The following PLXNA4 variants were observed in gnomAD, a reference collection of about 807,000 sequenced individuals.
PLXNA4 encodes plexin-A4.
In PLXNA4, 44 loss-of-function variants were observed where a neutral mutation model predicts 191.8. That is an observed-to-expected ratio of 0.23 (90% CI 0.18 to 0.29). PLXNA4 has a LOEUF of 0.29. Among genes scored for constraint, PLXNA4 ranks in the 10% least tolerant of loss-of-function variants. PLXNA4 has a pLI of 1.00. For missense variants in PLXNA4, 1,800 were observed against 2,488.8 expected, an observed-to-expected ratio of 0.72 and a Z score of 5.89; for synonymous variants, 1,082 against 1,009.5, an observed-to-expected ratio of 1.07 and a Z score of -1.36.
intron 3 of PLXNA4, chr7:132,485,081 T>A: frequency 3.1e-6 from 5 of 1,592,836 alleles, no homozygotes; most frequent in Non-Finnish European, 4.3e-6. Flanking sequence ...ATTAAATTAA[T>A]CTACATGACA....
intron 10 of PLXNA4, among the ~76,000 whole-genome samples, chr7:132,209,477 T>A: frequency 6.6e-6 from 1 of 152,194 alleles, no homozygotes; most frequent in African/African-American, 2.4e-5. Flanking sequence ...AGGTGTTTCA[T>A]ATCTCCTTTG....
At chr7:132,253,232 CTTTTTT>C (rs56010775) in intron 4 of PLXNA4, among the ~76,000 whole-genome samples, 5 of 134,472 alleles carry the variant, frequency 3.7e-5, no homozygotes, top group African/African-American at 5.4e-5. Context: ...TTTCTTTTTT[CTTTTTT>C]TTTTTTTTTT....
At chr7:132,557,696 G>A (rs1217490767) in intron 1 of PLXNA4, among the ~76,000 whole-genome samples, 1 of 152,134 alleles carries the variant, frequency 6.6e-6, no homozygotes, top group African/African-American at 2.4e-5. Flanking sequence ...TGGTACGTCT[G>A]TGGTCTAGAG....
At chr7:132,187,339 A>G in intron 15 of PLXNA4, 132 bp downstream of exon 15, 2 of 1,425,944 alleles carry the variant, frequency 1.4e-6, no homozygotes, top group South Asian at 1.4e-5. Flanking sequence ...CTATCTGTGC[A>G]GCTGGCAAGA....
At chr7:132,499,635 G>A (rs1395615598) in intron 2 of PLXNA4, among the ~76,000 whole-genome samples, 1 of 152,158 alleles carries the variant, frequency 6.6e-6, no homozygotes, top group Non-Finnish European at 1.5e-5. Flanking sequence ...GATTAAGTTT[G>A]TGTGTTTTCT....
chr7:132,245,394 C>G (rs58874597), intron 4 of PLXNA4, among the ~76,000 whole-genome samples: 1,593 of 152,316 alleles, frequency 0.01, 33 homozygotes, highest in African/African-American at 0.036. Context: ...GCCCCATCAC[C>G]TCTGGGGACC....
At chr7:132,322,587 A>G (rs1802215116) in intron 3 of PLXNA4, among the ~76,000 whole-genome samples, 1 of 152,152 alleles carries the variant, frequency 6.6e-6, no homozygotes, top group African/African-American at 2.4e-5. Context: ...GCATGGCTAA[A>G]CATCCTGGTG....
chr7:132,210,570 G>A (rs532844301), intron 10 of PLXNA4, among the ~76,000 whole-genome samples: 43 of 152,356 alleles, frequency 2.8e-4, no homozygotes, highest in Admixed American at 8.5e-4. Flanking sequence ...AAGGCAGGGC[G>A]CAGGGCTTTC....
intron 9 of PLXNA4, among the ~76,000 whole-genome samples, chr7:132,217,074 T>C (rs1425178292): frequency 6.6e-6 from 1 of 152,144 alleles, no homozygotes. Context: ...AAGCACACCT[T>C]TAAAGGCCTG....
intron 3 of PLXNA4, among the ~76,000 whole-genome samples, chr7:132,367,139 A>G (rs1296666585): frequency 6.6e-6 from 1 of 152,208 alleles, no homozygotes; most frequent in Admixed American, 6.5e-5. Flanking sequence ...CTTGCTAAAC[A>G]TGGGCTCTAC....
At chr7:132,587,343 T>C (rs1278791664) in intron 2 of PLXNA4, among the ~76,000 whole-genome samples, 2 of 152,202 alleles carry the variant, frequency 1.3e-5, no homozygotes, top group Non-Finnish European at 2.9e-5. Context: ...GAATGGAACT[T>C]ATCTTATTTA....
chr7:132,325,765 C>T (rs1287930756), intron 3 of PLXNA4, among the ~76,000 whole-genome samples: 3 of 152,154 alleles, frequency 2.0e-5, no homozygotes, highest in Non-Finnish European at 2.9e-5. Flanking sequence ...CCAGGCCACC[C>T]AGTTTACAGT....
chr7:132,148,549 G>A lies in PLXNA4; in HGVS notation c.4758C>T (p.His1586=). Residue 1586 remains histidine (H), a synonymous_variant, in exon 26 of 32, where the codon CAC becomes CAT. Coordinates refer to ENST00000321063, the MANE Select transcript of PLXNA4 (RefSeq NM_020911.2). ...CTTTCCACATTCCCCTCACCTGGTA[G>A]TGGGCCAGTGTGTTCAGTCGCTTCC... is the stretch of plus-strand genomic sequence containing the variant. ...NDWKRLNTLA[H]YQVPDGSVVA... is the part of the protein sequence containing the mutation. 6.2e-7 allele frequency: 1 copy of A among 1,614,070 alleles called. No homozygotes were observed. The highest frequency in any genetic ancestry group is 2.2e-5 in the East Asian group (1 of 44,880).
At chr7:132,257,189 T>C (rs1159721509) in intron 4 of PLXNA4, among the ~76,000 whole-genome samples, 1 of 152,214 alleles carries the variant, frequency 6.6e-6, no homozygotes, top group East Asian at 1.9e-4. Flanking sequence ...AGGGGCCAGG[T>C]GGCTGTAACT....
chr7:132,294,441 G>GGCTCATA lies in PLXNA4; in HGVS notation c.1503+3649_1503+3650insTATGAGC, dbSNP rs1801003862. ...ATATAAGGCCCTGTGGGTCTTCATA[G>GGCTCATA]GCACTTTGGTCATTGAAAGGATTTA... is the stretch of plus-strand genomic sequence containing the variant. On this transcript the variant is annotated intron_variant, in intron 4 of 31. Transcript: ENST00000321063. Among the ~76,000 whole-genome samples, 3 of 152,306 alleles carry GGCTCATA rather than the reference G, an allele frequency of 2.0e-5. No homozygotes were observed. In the South Asian group the frequency reaches 6.2e-4, roughly 32 times the overall value.
chr7:132,380,490 A>G (rs532462061), intron 3 of PLXNA4, among the ~76,000 whole-genome samples: 13 of 152,302 alleles, frequency 8.5e-5, no homozygotes, highest in Middle Eastern at 6.8e-3. Flanking sequence ...AGATAATATA[A>G]TGTGGCCCTT....
chr7:132,356,169 G>A (rs1233454389), intron 3 of PLXNA4, among the ~76,000 whole-genome samples: 1 of 152,028 alleles, frequency 6.6e-6, no homozygotes, highest in African/African-American at 2.4e-5. Flanking sequence ...CTGGCAGATC[G>A]GTGAGAAGCT....
At chr7:132,171,014 C>A (rs970789098) in intron 21 of PLXNA4, among the ~76,000 whole-genome samples, 3 of 152,196 alleles carry the variant, frequency 2.0e-5, no homozygotes, top group African/African-American at 7.2e-5. Context: ...GTTCTCCCCA[C>A]CACTGGGGGC....
intron 2 of PLXNA4, among the ~76,000 whole-genome samples, chr7:132,619,977 T>A (rs1461661733): frequency 6.6e-6 from 1 of 152,220 alleles, no homozygotes; most frequent in Non-Finnish European, 1.5e-5. Context: ...ATGCTTTTTG[T>A]ATTTTTAGTA....
Sources: allele counts gnomAD v4.1 joint callset (sites outside exome capture counted in the v4.1 genomes callset), GRCh38; gene constraint gnomAD v4.1.1; transcripts MANE v1.5; gene names NCBI Gene and HGNC (gene_info 2026-07-23, HGNC 2026-07-21).